LYST: variants seen among roughly 807,000 people sequenced by gnomAD.
The protein encoded by LYST is lysosomal trafficking regulator, also known as lysosomal-trafficking regulator.
A neutral mutation model predicts 413.6 loss-of-function variants in LYST; 192 were observed. The observed-to-expected ratio is 0.46, with a 90% CI of 0.41 to 0.52. LYST has a LOEUF of 0.52. LYST is among the 20% of genes least tolerant of loss of function. LYST has a pLI of 0.00. For synonymous variants in LYST, 1,525 were observed against 1,567.3 expected, an observed-to-expected ratio of 0.97 and a Z score of 0.64; for missense variants, 3,815 against 4,499.9, an observed-to-expected ratio of 0.85 and a Z score of 4.35.
chr1:235,692,798 A>G (rs1350468262), intron 47 of LYST, among the ~76,000 whole-genome samples: 1 of 151,722 alleles, frequency 6.6e-6, no homozygotes, highest in Non-Finnish European at 1.5e-5. Context: ...AGGCGGGTGA[A>G]TCATTTGAGT....
chr1:235,880,546 T>G (rs1328139313), intron 1 of LYST, among the ~76,000 whole-genome samples: 1 of 152,236 alleles, frequency 6.6e-6, no homozygotes, highest in Non-Finnish European at 1.5e-5. Flanking sequence ...TTAGGGTATT[T>G]ATTCTAATGC....
chr1:235,851,552 A>G (rs1678543489), intron 1 of LYST, among the ~76,000 whole-genome samples: 1 of 152,122 alleles, frequency 6.6e-6, no homozygotes. Flanking sequence ...TAACTGATGG[A>G]AAAATTAAAA....
chr1:235,753,190 T>C lies in LYST; in HGVS notation c.7314A>G (p.Leu2438=), dbSNP rs756139684. ...IPILGLIETS[L]YDNILLHNAL... ...CATTATGCAAGAGTATGTTGTCATA[T>C]AGAGAGGTCTCTATTAGTCCCAGAA... is the stretch of plus-strand genomic sequence containing the variant. The change falls in exon 26 of 53, where the codon CTA becomes CTG. Residue 2438 remains leucine, a synonymous_variant. Coordinates refer to ENST00000389793, the MANE Select transcript of LYST (RefSeq NM_000081.4). 7.7e-5 allele frequency: 124 copies of C among 1,609,902 alleles called. No individual in the cohort carries two copies. The highest frequency in any genetic ancestry group is 1.0e-4 in the Non-Finnish European group (118 of 1,176,522).
chr1:235,675,443 T>A (rs1192581578), intron 50 of LYST, among the ~76,000 whole-genome samples: 2 of 152,216 alleles, frequency 1.3e-5, no homozygotes, highest in Non-Finnish European at 2.9e-5. Context: ...TATCTCCTTT[T>A]TTCGGTGTGC....
intron 21 of LYST, among the ~76,000 whole-genome samples, chr1:235,763,820 TATC>T (rs1667839238): frequency 6.6e-6 from 1 of 152,104 alleles, no homozygotes; most frequent in South Asian, 2.1e-4. Flanking sequence ...ATGCAGGCTT[TATC>T]ATCTCTCAAC....
At chr1:235,817,767 C>A (rs961380529) in intron 3 of LYST, among the ~76,000 whole-genome samples, 3 of 151,988 alleles carry the variant, frequency 2.0e-5, no homozygotes, top group African/African-American at 7.3e-5. Flanking sequence ...GGGTACCATG[C>A]TTATTACCTG....
Position 235,810,077 on chromosome 1 carries a change from G to C in LYST, c.741C>G (p.Ile247Met). The change falls in exon 5 of 53, where the codon ATC (isoleucine) becomes ATG (methionine). Residue 247 changes from isoleucine (I) to methionine (M), a missense_variant. Ile to Met is a conservative substitution (Grantham distance 10, BLOSUM62 1). Coordinates refer to ENST00000389793, the MANE Select transcript of LYST (RefSeq NM_000081.4). ...ILSEPAALSV[I>M]SNMNNSPFDL... The stretch of plus-strand genomic sequence containing the variant: ...CAAATGGAGAATTGTTCATGTTACT[G>C]ATAACAGACAAGGCAGCTGGCTCAC... The C allele has an allele frequency of 5.6e-6, 9 of 1,613,972 alleles. No homozygotes were observed. The highest frequency in any genetic ancestry group is 2.2e-5 in the East Asian group (1 of 44,874).
intron 1 of LYST, among the ~76,000 whole-genome samples, chr1:235,843,289 G>T (rs1677429445): frequency 6.6e-6 from 1 of 151,860 alleles, no homozygotes; most frequent in South Asian, 2.1e-4. Context: ...TTATTAATAT[G>T]CTCCAGCTCA....
At chr1:235,678,172 AT>A (rs1659536832) in intron 48 of LYST, among the ~76,000 whole-genome samples, 1 of 152,120 alleles carries the variant, frequency 6.6e-6, no homozygotes, top group Non-Finnish European at 1.5e-5. Context: ...TAAAAAAAAA[AT>A]TCTGGGCATG....
Position 235,741,465 on chromosome 1 carries a change from T to G in LYST, c.8315A>C (p.Asn2772Thr). ...KQIFEIVHEP[N>T]HQEILRDCLS... ...ACAGTCTCGTAGTATTTCCTGATGATTTGGTTCATGAACTATTTCAAAAAT... is the reference window on the plus strand; with the variant it reads ...ACAGTCTCGTAGTATTTCCTGATGAGTTGGTTCATGAACTATTTCAAAAAT... The change falls in exon 31 of 53, where the codon AAT becomes ACT. Residue 2772 changes from asparagine to threonine, a missense_variant. This residue lies in a region of LYST where 771 missense variants were observed against 837.1 expected (regional missense o/e 0.92). Transcript: ENST00000389793. 6.2e-7 allele frequency: 1 copy of G among 1,614,140 alleles called. No individual in the cohort carries two copies. The highest frequency in any genetic ancestry group is 8.5e-7 in the Non-Finnish European group (1 of 1,180,012).
chr1:235,693,149 A>C (rs1660807357), intron 47 of LYST, among the ~76,000 whole-genome samples: 1 of 152,072 alleles, frequency 6.6e-6, no homozygotes, highest in Non-Finnish European at 1.5e-5. Flanking sequence ...TCCCGTCTCT[A>C]CTAAAAGAAT....
chr1:235,665,789 AG>A (rs1482528998), intron 50 of LYST, among the ~76,000 whole-genome samples: 1 of 152,172 alleles, frequency 6.6e-6, no homozygotes, highest in Non-Finnish European at 1.5e-5. Flanking sequence ...CAAAGATTAC[AG>A]AGTAACCAAA....
Position 235,755,659 on chromosome 1 carries a change from A to T in LYST, c.7060-12T>A, listed in dbSNP as rs768474206. On this transcript the variant is annotated splice_polypyrimidine_tract_variant and intron_variant, in intron 24 of 52. Coordinates refer to ENST00000389793, the MANE Select transcript of LYST (RefSeq NM_000081.4). The stretch of plus-strand genomic sequence containing the variant: ...TATGCATCTAATAGCTAAACAAAAA[A>T]TTTAAGTCAATTTAGATAATGCATT... 4.2e-5 allele frequency: 61 copies of T among 1,445,084 alleles called. No homozygotes were observed. Among genetic ancestry groups the T allele is most frequent in the Non-Finnish European group, 5.8e-5 (60 of 1,027,304 alleles). The allele number at this position is 1,445,084 out of a possible 1,614,324, so 89.5% of individuals were successfully genotyped here. A position where few individuals can be genotyped will look rare whatever the true frequency, so the allele number is the denominator to read the frequency against.
At chr1:235,733,991 A>C in intron 32 of LYST, 85 bp from the exon 33 acceptor site, 1 of 674,998 alleles carries the variant, frequency 1.5e-6, no homozygotes, top group Non-Finnish European at 2.5e-6. Flanking sequence ...ACTAATTTTA[A>C]AACCCAGTTA....
rs538848871 is a variant in LYST, at chr1:235,759,011, C to A, written c.6842G>T (p.Gly2281Val). Residue 2281 changes from glycine to valine, a missense_variant, in exon 23 of 53, where the codon GGT becomes GTT. Coordinates refer to ENST00000389793, the MANE Select transcript of LYST (RefSeq NM_000081.4). ...AGTTCGGTTGTAATTTGGCTCATAA[C>A]CAAGAGAATAGGCAAAGTTTTCCCA... ...DDWENFAYSLGYEPNYNRTAS... is the reference protein window; with the variant it reads ...DDWENFAYSLVYEPNYNRTAS... 5 of 1,613,910 alleles carry A rather than the reference C, an allele frequency of 3.1e-6. No individual in the cohort carries two copies. The highest frequency in any genetic ancestry group is 4.2e-6 in the Non-Finnish European group (5 of 1,179,996).
At chr1:235,676,604 C>T (rs1167721046) in intron 50 of LYST, among the ~76,000 whole-genome samples, 2 of 152,198 alleles carry the variant, frequency 1.3e-5, no homozygotes, top group African/African-American at 2.4e-5. Flanking sequence ...AAGCCTACCT[C>T]CTCTGCTCGG....
chr1:235,711,464 G>A (rs1040627193), intron 43 of LYST, among the ~76,000 whole-genome samples: 1 of 152,112 alleles, frequency 6.6e-6, no homozygotes, highest in African/African-American at 2.4e-5. Flanking sequence ...ATGCTCTTAA[G>A]GATCACATAA....
intron 13 of LYST, among the ~76,000 whole-genome samples, 167 bp from the exon 14 acceptor site, chr1:235,787,540 CTTAG>C (rs1213641422): frequency 3.3e-5 from 5 of 151,996 alleles, no homozygotes; most frequent in Non-Finnish European, 5.9e-5. Flanking sequence ...CCATAAGTTA[CTTAG>C]TTATTCTATC....
chr1:235,753,304 T>C, intron 25 of LYST, 30 bp from the exon 26 acceptor site: 1 of 1,257,070 alleles, frequency 8.0e-7, no homozygotes, highest in East Asian at 2.3e-5. Flanking sequence ...TAAGAGCACA[T>C]TAGAAACAAT....
Sources: allele counts gnomAD v4.1 joint callset (sites outside exome capture counted in the v4.1 genomes callset), GRCh38; gene constraint gnomAD v4.1.1; regional missense constraint gnomAD v4.1.1; transcripts MANE v1.5; gene names NCBI Gene and HGNC (gene_info 2026-07-23, HGNC 2026-07-21).